Variants in CSMD1 observed in about 807,000 individuals in gnomAD.
CSMD1 encodes the protein CUB and sushi domain-containing protein 1.
CSMD1 carries 213 observed loss-of-function variants against 417.5 expected under a neutral mutation model. The ratio of observed to expected loss-of-function variants is 0.51; its 90% CI spans 0.46 to 0.57. The LOEUF (loss-of-function observed/expected upper bound fraction) is 0.57. Among genes scored for constraint, CSMD1 ranks in the 20% least tolerant of loss-of-function variants. The pLI is 0.00. For missense variants in CSMD1, 6,923 were observed against 4,529.7 expected, an observed-to-expected ratio of 1.53 and a Z score of -15.17; for synonymous variants, 2,862 against 1,736.8, an observed-to-expected ratio of 1.65 and a Z score of -16.11.
intron 12 of CSMD1, among the ~76,000 whole-genome samples, chr8:3,455,473 T>C (rs1816054233): frequency 6.6e-6 from 1 of 152,336 alleles, no homozygotes; most frequent in Admixed American, 6.5e-5. Flanking sequence ...ATGATGGTGA[T>C]GTACAGATGG....
At position 4,787,228 on chromosome 8, in the gene CSMD1, G is replaced by T. The variant is rs1018702094; in HGVS notation, c.86-149670C>A. The T allele has an allele frequency of 1.2e-5, 6 of 497,148 alleles. No individual in the cohort carries two copies. In the East Asian group the frequency reaches 2.3e-4, roughly 19 times the overall value. 30.8% of individuals were successfully genotyped at this position (497,148 alleles called of 1,614,324 possible). Reference sequence around the variant, plus strand: ...GCCCCGCCAGGGGGCGCGCCTGGGGGCCGCGCCTCCTTCCCCGCCCAGAGA... The same window carrying T: ...GCCCCGCCAGGGGGCGCGCCTGGGGTCCGCGCCTCCTTCCCCGCCCAGAGA... On this transcript the variant is annotated intron_variant, in intron 1 of 69. Coordinates refer to ENST00000635120, the MANE Select transcript of CSMD1 (RefSeq NM_033225.6).
At chr8:3,115,402 A>G (rs1407828365) in intron 42 of CSMD1, among the ~76,000 whole-genome samples, 1 of 152,230 alleles carries the variant, frequency 6.6e-6, no homozygotes, top group South Asian at 2.1e-4. Flanking sequence ...GGGTTTTGCC[A>G]TGTTGGCCAG....
chr8:4,238,860 T>C (rs552537814), intron 3 of CSMD1, among the ~76,000 whole-genome samples: 45 of 152,294 alleles, frequency 3.0e-4, no homozygotes, highest in African/African-American at 1.0e-3. Flanking sequence ...TAAAAATCGA[T>C]AGCAAATGCA....
At chr8:4,818,595 C>T (rs925350353) in intron 1 of CSMD1, among the ~76,000 whole-genome samples, 1 of 152,104 alleles carries the variant, frequency 6.6e-6, no homozygotes, top group Non-Finnish European at 1.5e-5. Flanking sequence ...AATCATGTGT[C>T]AGGCCACTTG....
At position 4,518,783 on chromosome 8, in the gene CSMD1, T is replaced by A. The variant is rs1012684179; in HGVS notation, c.303-98718A>T. Reference sequence around the variant, plus strand: ...ATTATAATAATAATAAAATAAAATTTAAAAAAAGAGGAAAAATAGAATAAT... The same window carrying A: ...ATTATAATAATAATAAAATAAAATTAAAAAAAAGAGGAAAAATAGAATAAT... On this transcript the variant is annotated intron_variant, in intron 2 of 69. Transcript: ENST00000635120. Among the ~76,000 whole-genome samples, 13 of 151,738 alleles carry A rather than the reference T, an allele frequency of 8.6e-5. No individual in the cohort carries two copies. In the East Asian group the frequency reaches 1.7e-3, roughly 20 times the overall value.
At chr8:4,147,961 G>T (rs1032733621) in intron 3 of CSMD1, among the ~76,000 whole-genome samples, 1 of 152,128 alleles carries the variant, frequency 6.6e-6, no homozygotes, top group Non-Finnish European at 1.5e-5. Flanking sequence ...ACCCACAGAA[G>T]ATGCACCAAA....
intron 22 of CSMD1, among the ~76,000 whole-genome samples, chr8:3,345,225 G>C (rs1290329962): frequency 6.6e-6 from 1 of 152,164 alleles, no homozygotes; most frequent in Non-Finnish European, 1.5e-5. Context: ...ATGAGGACTT[G>C]ACCAAGCGCA....
chr8:4,022,604 C>G (rs1056635745), intron 4 of CSMD1, among the ~76,000 whole-genome samples: 1 of 152,118 alleles, frequency 6.6e-6, no homozygotes. Flanking sequence ...CAAGTTACTG[C>G]TTTGCGACAG....
chr8:3,488,477 T>C (rs979478697), intron 11 of CSMD1, among the ~76,000 whole-genome samples: 1 of 152,190 alleles, frequency 6.6e-6, no homozygotes, highest in Non-Finnish European at 1.5e-5. Flanking sequence ...GAAGATAGTA[T>C]GCTTCTTGCA....
rs17070301 is a variant in CSMD1, at chr8:4,438,469, G to T, written c.303-18404C>A. Among the ~76,000 whole-genome samples, 972 of 152,298 alleles carry T rather than the reference G, an allele frequency of 6.4e-3. 7 individuals are homozygous for T. Among genetic ancestry groups the T allele is most frequent in the African/African-American group, 0.022 (923 of 41,562 alleles). On this transcript the variant is annotated intron_variant, in intron 2 of 69. Transcript: ENST00000635120. Reference sequence around the variant, plus strand: ...ATGTTAACTGGGACATGTGGCAATGGACCAACGCTTGGGTTCCACAGCACC... The same window carrying T: ...ATGTTAACTGGGACATGTGGCAATGTACCAACGCTTGGGTTCCACAGCACC...
Position 4,236,039 on chromosome 8 carries a change from G to GTTTTTTTTTTTTTTTTTTTT in CSMD1, c.415+183894_415+183913dup, listed in dbSNP as rs869245155. Among the ~76,000 whole-genome samples the GTTTTTTTTTTTTTTTTTTTT allele has an allele frequency of 1.6e-3, 50 of 31,660 alleles. 1 individual carries two copies. The highest frequency in any genetic ancestry group is 3.3e-3 in the African/African-American group (48 of 14,518). 20.8% of individuals were successfully genotyped at this position (31,660 alleles called of 152,430 possible). A position where few individuals can be genotyped will look rare whatever the true frequency, so the allele number is the denominator to read the frequency against. On this transcript the variant is annotated intron_variant, in intron 3 of 69. Transcript: ENST00000635120. ...TTAATGGATATTGTTTTTTTTGTTT[G>GTTTTTTTTTTTTTTTTTTTT]TTTTTTTTTTTTTTTTTTTTTTTTT...
intron 3 of CSMD1, among the ~76,000 whole-genome samples, chr8:4,403,280 ACTCTT>A (rs1228456452): frequency 6.6e-6 from 1 of 152,128 alleles, no homozygotes; most frequent in South Asian, 2.1e-4. Flanking sequence ...AATGAACATA[ACTCTT>A]CTCTTCATTC....
chr8:3,618,769 A>G (rs1484232072), intron 7 of CSMD1, among the ~76,000 whole-genome samples: 2 of 152,228 alleles, frequency 1.3e-5, no homozygotes, highest in Non-Finnish European at 2.9e-5. Flanking sequence ...TGTTCAAAAT[A>G]GGACTATATT....
intron 4 of CSMD1, among the ~76,000 whole-genome samples, chr8:4,022,292 A>G (rs1796829101): frequency 1.3e-5 from 2 of 151,772 alleles, no homozygotes; most frequent in African/African-American, 2.4e-5. Context: ...TTCAGATTTC[A>G]GACAAGGAAG....
At chr8:3,347,161 C>T (rs1169719568) in intron 22 of CSMD1, among the ~76,000 whole-genome samples, 1 of 152,252 alleles carries the variant, frequency 6.6e-6, no homozygotes, top group Non-Finnish European at 1.5e-5. Flanking sequence ...TGCTGGGCCG[C>T]ATGTGGCCTG....
At chr8:4,562,365 C>T (rs1485482420) in intron 2 of CSMD1, among the ~76,000 whole-genome samples, 1 of 152,016 alleles carries the variant, frequency 6.6e-6, no homozygotes, top group Middle Eastern at 3.2e-3. Flanking sequence ...CACACCAGAG[C>T]CCAAAAGACT....
intron 2 of CSMD1, among the ~76,000 whole-genome samples, chr8:4,501,742 C>A (rs184490670): frequency 6.6e-6 from 1 of 152,268 alleles, no homozygotes; most frequent in Non-Finnish European, 1.5e-5. Context: ...TTTTCAGACT[C>A]ATGGTTGCAG....
chr8:4,243,854 G>C (rs768098197), intron 3 of CSMD1, among the ~76,000 whole-genome samples: 5 of 152,170 alleles, frequency 3.3e-5, no homozygotes, highest in Non-Finnish European at 5.9e-5. Context: ...AGTAGGGACT[G>C]TGTTATTGCC....
At position 4,056,980 on chromosome 8, in the gene CSMD1, C is replaced by A. The variant is rs987008422; in HGVS notation, c.416-24881G>T. On this transcript the variant is annotated intron_variant, in intron 3 of 69. Transcript: ENST00000635120. Reference sequence around the variant, plus strand: ...TTCCAAGTCTTTGCTATTGTGAATACTGCTGCAATAAACATACGTGTGCAT... The same window carrying A: ...TTCCAAGTCTTTGCTATTGTGAATAATGCTGCAATAAACATACGTGTGCAT... Among the ~76,000 whole-genome samples, 16 of 152,270 alleles carry A rather than the reference C, an allele frequency of 1.1e-4. No individual in the cohort carries two copies. In the East Asian group the frequency reaches 1.5e-3, roughly 15 times the overall value.
Sources: allele counts gnomAD v4.1 joint callset (sites outside exome capture counted in the v4.1 genomes callset), GRCh38; gene constraint gnomAD v4.1.1; transcripts MANE v1.5; gene names NCBI Gene and HGNC (gene_info 2026-07-23, HGNC 2026-07-21).